Variants in MITF observed in about 807,000 individuals in gnomAD.
MITF encodes the protein microphthalmia-associated transcription factor.
Under a neutral mutation model 60.5 loss-of-function variants are expected in MITF, and 17 were observed. The ratio of observed to expected loss-of-function variants is 0.28; its 90% CI spans 0.19 to 0.42. The LOEUF is 0.42. Ranked by LOEUF, MITF falls within the 10% of genes least tolerant of loss-of-function variation. The pLI is 1.00. For missense variants in MITF, 622 were observed against 683.5 expected (o/e 0.91, Z 1.00); for synonymous variants, 260 against 248.5 (o/e 1.05, Z -0.43).
chr3:69,844,253 G>A (rs2063691618), intron 1 of MITF, among the ~76,000 whole-genome samples: 1 of 152,120 alleles, frequency 6.6e-6, no homozygotes, highest in South Asian at 2.1e-4. Context: ...AAACAGCATG[G>A]TATTGGTACC....
intron 2 of MITF, chr3:69,936,933 A>G (rs2065849545): frequency 1.8e-6 from 1 of 542,530 alleles, no homozygotes; most frequent in African/African-American, 2.0e-5. Context: ...AACAAAGTAA[A>G]TATTAGTAGG....
At position 69,966,885 on chromosome 3, in the gene MITF, T is replaced by C. The variant is rs2066701951; in HGVS notation, c.*1637T>C. On this transcript the variant is annotated 3_prime_UTR_variant, in exon 10 of 10. Coordinates refer to ENST00000352241, the MANE Select transcript of MITF (RefSeq NM_001354604.2). Reference sequence around the variant, plus strand: ...TGGACTAGCACTGACTGAACTGTAATGTAGGGGAAAGTTTCATGATGGTAT... The same window carrying C: ...TGGACTAGCACTGACTGAACTGTAACGTAGGGGAAAGTTTCATGATGGTAT... The C allele has an allele frequency of 4.3e-6, 1 of 232,494 alleles. No homozygotes were observed. Among genetic ancestry groups the C allele is most frequent in the Non-Finnish European group, 8.5e-6 (1 of 117,422 alleles). The allele number at this position is 232,494 out of a possible 1,614,324, so 14.4% of individuals were successfully genotyped here. A position where few individuals can be genotyped will look rare whatever the true frequency, so the allele number is the denominator to read the frequency against.
chr3:69,739,688 C>T lies in MITF; in HGVS notation c.91C>T (p.Pro31Ser). The T allele has an allele frequency of 6.4e-7, 1 of 1,571,868 alleles. No homozygotes were observed. Among genetic ancestry groups the T allele is most frequent in the East Asian group, 2.3e-5 (1 of 43,388 alleles). Residue 31 changes from proline (P) to serine (S), a missense_variant, in exon 1 of 10, where the codon CCG (proline) becomes TCG (serine). Transcript: ENST00000352241. ...AACCTATTACGAACTCAAAAGTCAA[C>T]CGCTGAAGAGCAGGTGAGTGGTGAC... ...PKTYYELKSQ[P>S]LKSSSSAEHP...
At chr3:69,951,690 A>G in intron 6 of MITF, 122 bp from the exon 7 acceptor site, 1 of 737,120 alleles carries the variant, frequency 1.4e-6, no homozygotes, top group Admixed American at 2.3e-5. Flanking sequence ...AAAAAAACGT[A>G]TTTTTACTTA....
chr3:69,920,202 G>T (rs2107425141), intron 2 of MITF, among the ~76,000 whole-genome samples: 1 of 152,334 alleles, frequency 6.6e-6, no homozygotes, highest in African/African-American at 2.4e-5. Context: ...TGGTCTAGCG[G>T]TGATGCCAGC....
intron 7 of MITF, among the ~76,000 whole-genome samples, chr3:69,954,788 T>A (rs1303999371): frequency 6.6e-6 from 1 of 152,208 alleles, no homozygotes; most frequent in African/African-American, 2.4e-5. Flanking sequence ...GACTTCGTAT[T>A]ATATAAAACG....
intron 1 of MITF, among the ~76,000 whole-genome samples, chr3:69,820,798 A>G (rs1402106508): frequency 1.3e-5 from 2 of 152,184 alleles, no homozygotes; most frequent in Non-Finnish European, 2.9e-5. Context: ...TCGTGAAAAG[A>G]TATCTTCCTG....
At position 69,951,798 on chromosome 3, in the gene MITF, A is replaced by T; in HGVS notation, c.881-14A>T. ...AACAGTTCCAACTTCTAATGACTTC[A>T]TTCACGTGCACAGCGTGTATTTTTC... is the stretch of plus-strand genomic sequence containing the variant. On this transcript the variant is annotated splice_polypyrimidine_tract_variant and intron_variant, in intron 6 of 9. Transcript: ENST00000352241. The T allele has an allele frequency of 6.2e-7, 1 of 1,610,578 alleles. No homozygotes were observed. Among genetic ancestry groups the T allele is most frequent in the Non-Finnish European group, 8.5e-7 (1 of 1,177,038 alleles).
intron 2 of MITF, among the ~76,000 whole-genome samples, chr3:69,886,502 G>T (rs914847208): frequency 6.6e-6 from 1 of 152,030 alleles, no homozygotes; most frequent in Non-Finnish European, 1.5e-5. Flanking sequence ...TTGCTTATAA[G>T]CACACATCCT....
intron 3 of MITF, chr3:69,938,791 C>T: frequency 7.3e-7 from 1 of 1,372,440 alleles, no homozygotes. Context: ...GTACTATGGA[C>T]TATGAAGTGT....
intron 1 of MITF, among the ~76,000 whole-genome samples, chr3:69,817,727 A>C (rs781687228): frequency 9.2e-5 from 14 of 152,150 alleles, no homozygotes; most frequent in Non-Finnish European, 2.1e-4. Context: ...TGGGTATGTT[A>C]TATTCTTCTT....
intron 1 of MITF, among the ~76,000 whole-genome samples, chr3:69,782,550 G>A (rs2062583010): frequency 6.6e-6 from 1 of 152,156 alleles, no homozygotes; most frequent in Admixed American, 6.5e-5. Flanking sequence ...TAAGTGATAA[G>A]CTGTGACTCG....
intron 2 of MITF, among the ~76,000 whole-genome samples, chr3:69,904,022 G>A (rs773106145): frequency 2.0e-5 from 3 of 152,052 alleles, no homozygotes; most frequent in Admixed American, 6.5e-5. Context: ...ACATGTCAGT[G>A]GCTGGTATTA....
Position 69,739,670 on chromosome 3 carries a change from T to C in MITF, c.73T>C (p.Tyr25His). Reference sequence around the variant, plus strand: ...GTTTCATGAAGAGCCCAAAACCTATTACGAACTCAAAAGTCAACCGCTGAA... The same window carrying C: ...GTTTCATGAAGAGCCCAAAACCTATCACGAACTCAAAAGTCAACCGCTGAA... ...EEFHEEPKTYYELKSQPLKSS... is the reference protein window; with the variant it reads ...EEFHEEPKTYHELKSQPLKSS... The change falls in exon 1 of 10, where the codon TAC becomes CAC. Residue 25 changes from tyrosine to histidine, a missense_variant. Physicochemically the swap from Tyr to His is moderately conservative, Grantham distance 83. Coordinates refer to ENST00000352241, the MANE Select transcript of MITF (RefSeq NM_001354604.2). 1 of 1,580,818 alleles carries C rather than the reference T, an allele frequency of 6.3e-7. No homozygotes were observed. Among genetic ancestry groups the C allele is most frequent in the Non-Finnish European group, 8.6e-7 (1 of 1,161,694 alleles).
At chr3:69,842,215 A>T (rs895276405) in intron 1 of MITF, among the ~76,000 whole-genome samples, 3 of 152,208 alleles carry the variant, frequency 2.0e-5, no homozygotes, top group Admixed American at 1.3e-4. Flanking sequence ...CTAAAAAATC[A>T]TCAGGCTACT....
intron 1 of MITF, among the ~76,000 whole-genome samples, chr3:69,776,453 C>T (rs572650893): frequency 1.3e-5 from 2 of 152,120 alleles, no homozygotes; most frequent in Non-Finnish European, 1.5e-5. Flanking sequence ...TTGACATTTG[C>T]GTGTTTGAGT....
At chr3:69,764,056 C>A in intron 1 of MITF, 2 of 830,856 alleles carry the variant, frequency 2.4e-6, no homozygotes, top group Non-Finnish European at 3.3e-6. Context: ...TCATAAATGG[C>A]TAGATTGCTT....
intron 1 of MITF, among the ~76,000 whole-genome samples, chr3:69,746,329 T>C (rs1703726761): frequency 6.6e-6 from 1 of 152,224 alleles, no homozygotes; most frequent in Non-Finnish European, 1.5e-5. Flanking sequence ...ATGTGCTTAC[T>C]GTCAGGAATA....
At chr3:69,825,574 G>A (rs1174527193) in intron 1 of MITF, among the ~76,000 whole-genome samples, 2 of 152,200 alleles carry the variant, frequency 1.3e-5, no homozygotes, top group African/African-American at 4.8e-5. Flanking sequence ...AAGAGTGCAT[G>A]TCAAGCGTTG....
Sources: gnomAD v4.1 joint callset for allele counts (sites outside exome capture counted in the v4.1 genomes callset) on GRCh38, gnomAD v4.1.1 for gene constraint, MANE v1.5 for transcripts, NCBI Gene and HGNC (gene_info 2026-07-23, HGNC 2026-07-21) for gene names.